Variants in ADGRE2 observed in about 807,000 individuals in gnomAD.
ADGRE2 encodes the protein adhesion G protein-coupled receptor E2.
In ADGRE2, 83 loss-of-function variants were observed where a neutral mutation model predicts 100.8. The ratio of observed to expected loss-of-function variants is 0.82; its 90% CI spans 0.69 to 0.99. ADGRE2 has a LOEUF of 0.99. Among genes scored for constraint, ADGRE2 ranks in the 50% least tolerant of loss-of-function variants. The pLI, the probability that ADGRE2 is intolerant of heterozygous loss-of-function variation, is 0.00. For missense variants in ADGRE2, 814 were observed against 1,035.7 expected (o/e 0.79, Z 2.94); for synonymous variants, 355 against 413.0 (o/e 0.86, Z 1.70).
intron 12 of ADGRE2, 56 bp from the exon 13 acceptor site, chr19:14,755,933 C>T: frequency 1.4e-6 from 2 of 1,469,966 alleles, no homozygotes; most frequent in Non-Finnish European, 1.9e-6. Flanking sequence ...TGGGTCCACA[C>T]CAGAGTTCCT....
In ADGRE2 at chr19:14,735,404, T is replaced by A. The variant is rs2042729392; in HGVS notation, c.*832A>T. 1 of 152,194 alleles carries A rather than the reference T, an allele frequency of 6.6e-6. No homozygotes were observed. Among genetic ancestry groups the A allele is most frequent in the African/African-American group, 2.4e-5 (1 of 41,446 alleles). The allele number at this position is 152,194 out of a possible 1,614,324, so 9.4% of individuals were successfully genotyped here. ...TGCCATACCCATCTTCGAGGTTTTA[T>A]GGTCATGTAGAATTTCTGTTCAAGG... On this transcript the variant is annotated 3_prime_UTR_variant, in exon 21 of 21. Coordinates refer to ENST00000315576, the MANE Select transcript of ADGRE2 (RefSeq NM_013447.4).
At chr19:14,763,319 G>C (rs2043797831) in intron 11 of ADGRE2, among the ~76,000 whole-genome samples, 1 of 151,800 alleles carries the variant, frequency 6.6e-6, no homozygotes, top group Non-Finnish European at 1.5e-5. Flanking sequence ...CTCCAGCCTG[G>C]GCGACAGAGT....
rs114515568 is a variant in ADGRE2, at chr19:14,769,089, T to G, written c.356-1980A>C. ...CCTGAGTGCCAGCCCCCTTTTTGTTTTGTACAAATAAGATACCAGGTCGGA... is the reference window on the plus strand; with the variant it reads ...CCTGAGTGCCAGCCCCCTTTTTGTTGTGTACAAATAAGATACCAGGTCGGA... On this transcript the variant is annotated intron_variant, in intron 5 of 20. Transcript: ENST00000315576. Among the ~76,000 whole-genome samples the G allele has an allele frequency of 1.9e-3, 290 of 152,216 alleles. 1 individual carries two copies. Among genetic ancestry groups the G allele is most frequent in the African/African-American group, 6.3e-3 (263 of 41,530 alleles).
chr19:14,760,861 T>C (rs1374202192), intron 11 of ADGRE2, among the ~76,000 whole-genome samples: 1 of 152,234 alleles, frequency 6.6e-6, no homozygotes, highest in Non-Finnish European at 1.5e-5. Context: ...CTCTGAAGCC[T>C]GATACCTGAA....
rs35861940 is a variant in ADGRE2, at chr19:14,755,271, TAA to T, written c.1417-146_1417-145del. ...CAACATGGTGAAACCCCATCTCTACTAAAAAAAAAAAAAAAAAAAAAAAATAC... is the reference window on the plus strand; with the variant it reads ...CAACATGGTGAAACCCCATCTCTACTAAAAAAAAAAAAAAAAAAAAAATAC... On this transcript the variant is annotated intron_variant, in intron 13 of 20. Coordinates refer to ENST00000315576, the MANE Select transcript of ADGRE2 (RefSeq NM_013447.4). 3,470 of 368,048 alleles carry T rather than the reference TAA, an allele frequency of 9.4e-3. 1 individual carries two copies. Among genetic ancestry groups the T allele is most frequent in the Admixed American group, 0.02 (309 of 15,456 alleles). The allele number at this position is 368,048 out of a possible 1,614,324, so 22.8% of individuals were successfully genotyped here.
chr19:14,765,032 G>C (rs2043902318), intron 10 of ADGRE2, among the ~76,000 whole-genome samples: 1 of 152,120 alleles, frequency 6.6e-6, no homozygotes, highest in South Asian at 2.1e-4. Flanking sequence ...AAATGACATT[G>C]GATGGGATTC....
chr19:14,767,778 G>T (rs1477467092), intron 5 of ADGRE2, among the ~76,000 whole-genome samples: 5 of 152,198 alleles, frequency 3.3e-5, no homozygotes. Context: ...GACCTGTCTT[G>T]GTTCCCAGTG....
chr19:14,773,913 C>G, intron 4 of ADGRE2, 25 bp downstream of exon 4: 2 of 1,607,328 alleles, frequency 1.2e-6, no homozygotes, highest in Non-Finnish European at 1.7e-6. Flanking sequence ...CAGATGTCCC[C>G]TGCGCTGCCC....
Position 14,767,066 on chromosome 19 carries a change from G to A in ADGRE2, c.399C>T (p.Tyr133=), listed in dbSNP as rs557691898. The A allele has an allele frequency of 5.6e-5, 86 of 1,531,346 alleles. 6 individuals are homozygous for A. The South Asian group carries it at 8.7e-4, about 16-fold the overall frequency. 94.9% of individuals were successfully genotyped at this position (1,531,346 alleles called of 1,614,324 possible). The part of the protein sequence containing the change: ...CQQNPRLCKS[Y]GTCVNTLGSY... ...TGCCGAGGGTGTTGACGCAGGTGCC[G>A]TAGCTTTTACAGAGCCTTGGGTTCT... The change falls in exon 6 of 21, where the codon TAC becomes TAT. Residue 133 remains tyrosine, a synonymous_variant. Transcript: ENST00000315576.
intron 5 of ADGRE2, among the ~76,000 whole-genome samples, chr19:14,770,410 CA>C (rs1206628708): frequency 1.3e-5 from 2 of 152,084 alleles, no homozygotes; most frequent in Non-Finnish European, 2.9e-5. Context: ...AACCATGAGC[CA>C]AATCAGCTTC....
chr19:14,765,609 G>A (rs201344926), intron 8 of ADGRE2, 39 bp from the exon 9 acceptor site: 67 of 1,614,304 alleles, frequency 4.2e-5, no homozygotes, highest in African/African-American at 8.0e-5. Context: ...AGGCGGGAGC[G>A]TGTCAGTGTG....
At chr19:14,768,588 T>C (rs2044077918) in intron 5 of ADGRE2, among the ~76,000 whole-genome samples, 1 of 152,186 alleles carries the variant, frequency 6.6e-6, no homozygotes, top group South Asian at 2.1e-4. Context: ...GGATCAGGCT[T>C]GGAGCAATGG....
At chr19:14,773,585 C>T (rs181797042) in intron 4 of ADGRE2, among the ~76,000 whole-genome samples, 1,881 of 151,646 alleles carry the variant, frequency 0.012, 30 homozygotes, top group South Asian at 0.068. Context: ...AATCATAGCT[C>T]ACTGCAACCT....
At chr19:14,728,086 G>A (rs535500517), downstream of ADGRE2, among the ~76,000 whole-genome samples, 52 of 152,288 alleles carry the variant, frequency 3.4e-4, no homozygotes, top group South Asian at 8.5e-3. Context: ...GGTGGTGGGC[G>A]CCTGTAGTCC....
chr19:14,737,976 C>CAAA (rs1313610745), intron 20 of ADGRE2, among the ~76,000 whole-genome samples: 1 of 102,336 alleles, frequency 9.8e-6, no homozygotes. Flanking sequence ...AACTCCCTCT[C>CAAA]AAAAAAAAAA....
At chr19:14,746,375 C>CAT in intron 17 of ADGRE2, 52 bp from the exon 18 acceptor site, 2 of 777,282 alleles carry the variant, frequency 2.6e-6, no homozygotes, top group Non-Finnish European at 4.1e-6. Flanking sequence ...CCTGTTATCT[C>CAT]TTTTTTTTTT....
intron 5 of ADGRE2, 107 bp downstream of exon 5, chr19:14,772,235 G>C: frequency 1.3e-6 from 2 of 1,485,464 alleles, no homozygotes; most frequent in Non-Finnish European, 1.9e-6. Flanking sequence ...CAGACTCCAG[G>C]AACTGAACCT....
intron 16 of ADGRE2, among the ~76,000 whole-genome samples, chr19:14,748,121 C>T (rs570141120): frequency 6.6e-6 from 1 of 152,156 alleles, no homozygotes; most frequent in South Asian, 2.1e-4. Context: ...TTTATCCTCG[C>T]CCTCCTCCCA....
Position 14,751,516 on chromosome 19 carries a change from G to T in ADGRE2, c.1944C>A (p.Phe648Leu). ...CAGCTGGGACTCCGTAGCCCACAGG[G>T]AACATGAGCTTCTTCATGAATCTGT... Reference protein sequence around the residue: ...SINRFMKKLMFPVGYGVPAVT... With the variant: ...SINRFMKKLMLPVGYGVPAVT... Residue 648 changes from phenylalanine (F) to leucine (L), a missense_variant, in exon 16 of 21, where the codon TTC becomes TTA. Phe to Leu is a conservative substitution (Grantham distance 22). Around this residue, in one of 5 missense-constraint regions of ADGRE2, gnomAD observed 569 missense variants for 692.7 expected, o/e 0.82. Transcript: ENST00000315576. 2 of 1,614,142 alleles carry T rather than the reference G, an allele frequency of 1.2e-6. No individual in the cohort carries two copies. The highest frequency in any genetic ancestry group is 2.2e-5 in the East Asian group (1 of 44,888).
Sources: allele counts gnomAD v4.1 joint callset (sites outside exome capture counted in the v4.1 genomes callset), GRCh38; gene constraint gnomAD v4.1.1; regional missense constraint gnomAD v4.1.1; transcripts MANE v1.5; gene names NCBI Gene and HGNC (gene_info 2026-07-23, HGNC 2026-07-21).